The following BRINP3 variants were observed in gnomAD, a reference collection of about 807,000 sequenced individuals.
BRINP3 encodes the protein BMP/retinoic acid-inducible neural-specific protein 3.
In BRINP3, 19 loss-of-function variants were observed where a neutral mutation model predicts 71.0. The ratio of observed to expected loss-of-function variants is 0.27; its 90% CI spans 0.19 to 0.39. BRINP3 has a LOEUF of 0.39. BRINP3 is among the 10% of genes least tolerant of loss of function. The pLI, the probability that BRINP3 is intolerant of heterozygous loss-of-function variation, is 1.00. For synonymous variants in BRINP3, 380 were observed against 337.7 expected (o/e 1.13, Z -1.37); for missense variants, 959 against 940.8 (o/e 1.02, Z -0.25).
chr1:190,331,992 T>C (rs1277990626), intron 2 of BRINP3, among the ~76,000 whole-genome samples: 1 of 152,052 alleles, frequency 6.6e-6, no homozygotes, highest in African/African-American at 2.4e-5. Context: ...CTTTTTATAA[T>C]TATTAATACA....
chr1:190,287,358 A>T (rs991164488), intron 2 of BRINP3, among the ~76,000 whole-genome samples: 1 of 152,222 alleles, frequency 6.6e-6, no homozygotes, highest in Non-Finnish European at 1.5e-5. Flanking sequence ...TAGTGTTTAT[A>T]AAACAGCTAA....
intron 2 of BRINP3, among the ~76,000 whole-genome samples, chr1:190,332,553 G>A (rs980739688): frequency 6.6e-6 from 1 of 151,982 alleles, no homozygotes; most frequent in African/African-American, 2.4e-5. Context: ...TCAGAACTCA[G>A]GCGTGTCTAC....
chr1:190,438,786 T>A (rs926902964), intron 2 of BRINP3, among the ~76,000 whole-genome samples: 1 of 151,756 alleles, frequency 6.6e-6, no homozygotes, highest in Non-Finnish European at 1.5e-5. Context: ...GAAGAGTAAA[T>A]GTTCCCTCTC....
At chr1:190,175,587 A>C (rs1162746163) in intron 6 of BRINP3, among the ~76,000 whole-genome samples, 1 of 152,130 alleles carries the variant, frequency 6.6e-6, no homozygotes, top group African/African-American at 2.4e-5. Context: ...ACAAGCATAA[A>C]CAGTCAATAG....
At chr1:190,366,539 A>T (rs978060523) in intron 2 of BRINP3, among the ~76,000 whole-genome samples, 2 of 152,060 alleles carry the variant, frequency 1.3e-5, no homozygotes, top group African/African-American at 4.8e-5. Flanking sequence ...ATATTCTCAC[A>T]TTTCAAAACA....
chr1:190,146,972 G>A (rs1351755426), intron 7 of BRINP3, among the ~76,000 whole-genome samples: 1 of 151,842 alleles, frequency 6.6e-6, no homozygotes, highest in African/African-American at 2.4e-5. Flanking sequence ...CCCTTAAATT[G>A]CCACAAGATT....
At chr1:190,464,295 T>A (rs1310310609) in intron 1 of BRINP3, among the ~76,000 whole-genome samples, 7 of 151,932 alleles carry the variant, frequency 4.6e-5, no homozygotes, top group Non-Finnish European at 8.8e-5. Flanking sequence ...CCCTTTTGAA[T>A]TTCAAAGACA....
chr1:190,425,897 C>T (rs759083833), intron 2 of BRINP3, among the ~76,000 whole-genome samples: 16 of 151,708 alleles, frequency 1.1e-4, no homozygotes, highest in Non-Finnish European at 1.5e-4. Context: ...CAACAGGAAG[C>T]CAATAAATCT....
chr1:190,381,986 A>C (rs940391613), intron 2 of BRINP3, among the ~76,000 whole-genome samples: 1 of 152,156 alleles, frequency 6.6e-6, no homozygotes, highest in African/African-American at 2.4e-5. Flanking sequence ...GTGGCCAAAA[A>C]CAATATGTGC....
intron 3 of BRINP3, among the ~76,000 whole-genome samples, chr1:190,276,662 T>C (rs570600363): frequency 2.5e-4 from 38 of 149,422 alleles, no homozygotes; most frequent in African/African-American, 7.1e-4. Flanking sequence ...CACACACACA[T>C]ATATATATAC....
intron 4 of BRINP3, among the ~76,000 whole-genome samples, chr1:190,238,321 A>T (rs1658722342): frequency 1.3e-5 from 2 of 152,002 alleles, no homozygotes; most frequent in Admixed American, 6.6e-5. Context: ...AGAAATAAAG[A>T]TTTAATCTTA....
intron 7 of BRINP3, among the ~76,000 whole-genome samples, chr1:190,109,961 A>T (rs1156607894): frequency 6.6e-6 from 1 of 152,186 alleles, no homozygotes; most frequent in African/African-American, 2.4e-5. Context: ...GGGACTTTTC[A>T]GCCTCTTTAA....
At chr1:190,449,423 T>A (rs1675455111) in intron 2 of BRINP3, among the ~76,000 whole-genome samples, 1 of 152,190 alleles carries the variant, frequency 6.6e-6, no homozygotes, top group Middle Eastern at 3.4e-3. Flanking sequence ...TCCTACTGAA[T>A]CTTTAAGATA....
chr1:190,473,801 TG>T (rs1188162636), intron 1 of BRINP3, among the ~76,000 whole-genome samples: 2 of 151,098 alleles, frequency 1.3e-5, no homozygotes, highest in African/African-American at 4.9e-5. Context: ...GTTTTCCAAC[TG>T]GTTTTCTAAA....
At chr1:190,318,898 AGATGTAGATCTATATATTTTGTTCG>A (rs1247761317) in intron 2 of BRINP3, among the ~76,000 whole-genome samples, 2 of 152,160 alleles carry the variant, frequency 1.3e-5, no homozygotes, top group African/African-American at 2.4e-5. Flanking sequence ...AACAAAGCGC[AGATGTAGATCTATATATTTTGTTCG>A]GATGTAGATC....
chr1:190,197,236 GATT>G (rs1181639130), intron 6 of BRINP3, among the ~76,000 whole-genome samples: 1 of 152,044 alleles, frequency 6.6e-6, no homozygotes, highest in Non-Finnish European at 1.5e-5. Context: ...GACATGTGGG[GATT>G]ATAGGAGCTA....
At chr1:190,428,870 T>C (rs1673902448) in intron 2 of BRINP3, among the ~76,000 whole-genome samples, 1 of 152,128 alleles carries the variant, frequency 6.6e-6, no homozygotes, top group South Asian at 2.1e-4. Flanking sequence ...AAGTAAATTT[T>C]TTGAAATACA....
chr1:190,281,467 C>A lies in BRINP3; in HGVS notation c.427+93G>T, dbSNP rs985302607. On this transcript the variant is annotated intron_variant, in intron 3 of 7. Transcript: ENST00000367462. ...TGAATGAGTTCTATAACTATTCATA[C>A]TGTAGCTATCTTGATTAATTAACAC... The A allele has an allele frequency of 4.3e-5, 50 of 1,161,670 alleles. No homozygotes were observed. In the Middle Eastern group the frequency reaches 7.4e-4, roughly 17 times the overall value. The allele number at this position is 1,161,670 out of a possible 1,614,324, so 72.0% of individuals were successfully genotyped here. A position where few individuals can be genotyped will look rare whatever the true frequency, so the allele number is the denominator to read the frequency against.
intron 2 of BRINP3, among the ~76,000 whole-genome samples, chr1:190,378,043 C>A (rs1670292167): frequency 6.6e-6 from 1 of 152,052 alleles, no homozygotes; most frequent in African/African-American, 2.4e-5. Flanking sequence ...AATATGGAAT[C>A]TCAGGGGACG....
Sources: gnomAD v4.1 joint callset for allele counts (sites outside exome capture counted in the v4.1 genomes callset) on GRCh38, gnomAD v4.1.1 for gene constraint, MANE v1.5 for transcripts, NCBI Gene and HGNC (gene_info 2026-07-23, HGNC 2026-07-21) for gene names.